The following STK38 variants were observed in gnomAD, a reference collection of about 807,000 sequenced individuals.
STK38 encodes the protein serine/threonine-protein kinase 38.
A neutral mutation model predicts 59.0 loss-of-function variants in STK38; 26 were observed. The observed-to-expected ratio is 0.44, with a 90% CI of 0.32 to 0.61. The LOEUF is 0.61. Among genes scored for constraint, STK38 ranks in the 20% least tolerant of loss-of-function variants. The probability of loss-of-function intolerance (pLI) is 0.04; values close to 1 mark genes in which losing one functional copy is unlikely to be tolerated. For missense variants in STK38, 433 were observed against 566.0 expected, an observed-to-expected ratio of 0.76 and a Z score of 2.38; for synonymous variants, 175 against 176.6, an observed-to-expected ratio of 0.99 and a Z score of 0.07.
At chr6:36,506,936 A>C (rs1302010138) in intron 8 of STK38, among the ~76,000 whole-genome samples, 5 of 152,214 alleles carry the variant, frequency 3.3e-5, no homozygotes, top group Non-Finnish European at 7.3e-5. Flanking sequence ...ATTCAGTCTC[A>C]ACTAGAATTG....
In STK38 at chr6:36,515,445, C is replaced by A; in HGVS notation, c.562G>T (p.Glu188Ter). The A allele has an allele frequency of 6.2e-7, 1 of 1,613,906 alleles. No homozygotes were observed. The highest frequency in any genetic ancestry group is 8.5e-7 in the Non-Finnish European group (1 of 1,179,990). Reference protein sequence around the residue: ...LMKKDTLTEEETQFYIAETVL... With the variant: ...LMKKDTLTEE ...GTTTCTGCTATATAAAACTGAGTCT[C>A]CTCTTCTGTCAGAGTGTCTTTTTTC... The change falls in exon 7 of 14, where the codon GAG becomes TAG. Residue 188 changes from glutamate (E) to a stop codon, truncating the protein, a stop_gained. Transcript: ENST00000229812. LOFTEE classifies it high-confidence loss of function.
chr6:36,500,059 C>T, intron 9 of STK38, 69 bp from the exon 10 acceptor site: 1 of 1,203,668 alleles, frequency 8.3e-7, no homozygotes, highest in East Asian at 2.3e-5. Context: ...GTTCTAGAAA[C>T]CAAAGGCTAT....
chr6:36,518,734 T>C (rs1176843029), intron 5 of STK38, among the ~76,000 whole-genome samples: 1 of 152,152 alleles, frequency 6.6e-6, no homozygotes, highest in Non-Finnish European at 1.5e-5. Context: ...CTCCCCTCTT[T>C]TTTAAGTGTC....
At chr6:36,539,988 C>A in intron 2 of STK38, 84 bp downstream of exon 2, 1 of 1,568,552 alleles carries the variant, frequency 6.4e-7, no homozygotes, top group Non-Finnish European at 8.6e-7. Context: ...CTATTCTTGT[C>A]TCCTTTCAGC....
intron 1 of STK38, among the ~76,000 whole-genome samples, chr6:36,542,682 C>T (rs556513234): frequency 1.6e-4 from 24 of 152,072 alleles, no homozygotes; most frequent in South Asian, 6.2e-4. Flanking sequence ...CGGTGGCTCA[C>T]GCCTGTAATC....
intron 10 of STK38, 133 bp downstream of exon 10, chr6:36,499,740 G>C: frequency 1.3e-6 from 1 of 776,398 alleles, no homozygotes; most frequent in Non-Finnish European, 2.3e-6. Flanking sequence ...GGTGTCATCT[G>C]TCTAAAACAA....
chr6:36,540,629 T>C (rs571200659), intron 1 of STK38, among the ~76,000 whole-genome samples: 1 of 151,910 alleles, frequency 6.6e-6, no homozygotes, highest in African/African-American at 2.4e-5. Flanking sequence ...CAAATATATC[T>C]TTTTTTTTCT....
rs762008347 is a variant in STK38, at chr6:36,495,806, G to A, written c.1376C>T (p.Ser459Phe). The A allele has an allele frequency of 2.5e-6, 4 of 1,613,946 alleles. No individual in the cohort carries two copies. The highest frequency in any genetic ancestry group is 2.2e-5 in the South Asian group (2 of 91,076). ...GTACTATTTTGCTGCTTTCATGTAG[G>A]AAGGTATTGCCCCCCTTGCAGTCAG... ...EGLTARGAIP[S>F]YMKAAK The change falls in exon 14 of 14, where the codon TCC becomes TTC. Residue 459 changes from serine (S) to phenylalanine (F), a missense_variant. Around this residue, in one of 3 missense-constraint regions of STK38, gnomAD observed 136 missense variants for 156.7 expected, o/e 0.87. Coordinates refer to ENST00000229812, the MANE Select transcript of STK38 (RefSeq NM_007271.4).
At chr6:36,519,410 C>G (rs1201580040) in intron 5 of STK38, among the ~76,000 whole-genome samples, 1 of 152,192 alleles carries the variant, frequency 6.6e-6, no homozygotes, top group Non-Finnish European at 1.5e-5. Context: ...AGGCAGCCTT[C>G]ATCTGCCTGT....
chr6:36,507,401 A>T, intron 8 of STK38, 99 bp downstream of exon 8: 2 of 984,882 alleles, frequency 2.0e-6, no homozygotes, highest in Non-Finnish European at 1.6e-6. Flanking sequence ...ACATACTCAA[A>T]GTGTGAGAAT....
chr6:36,510,979 G>A (rs908750843), intron 7 of STK38, among the ~76,000 whole-genome samples: 4 of 152,170 alleles, frequency 2.6e-5, no homozygotes, highest in Admixed American at 2.0e-4. Flanking sequence ...GGAAAAAGTA[G>A]GTGTCTTAGG....
At chr6:36,509,718 G>T (rs990123138) in intron 7 of STK38, among the ~76,000 whole-genome samples, 1 of 152,060 alleles carries the variant, frequency 6.6e-6, no homozygotes, top group African/African-American at 2.4e-5. Flanking sequence ...TGTCAGGGCC[G>T]AGGCTGCTAC....
intron 7 of STK38, among the ~76,000 whole-genome samples, chr6:36,511,342 A>C (rs534222989): frequency 6.6e-6 from 1 of 151,898 alleles, no homozygotes; most frequent in East Asian, 1.9e-4. Flanking sequence ...TATTAAACTC[A>C]GTATCTTTTT....
intron 1 of STK38, among the ~76,000 whole-genome samples, chr6:36,544,865 G>A (rs1007594230): frequency 5.3e-5 from 8 of 152,008 alleles, no homozygotes; most frequent in African/African-American, 1.7e-4. Context: ...GCAAGACTCT[G>A]TCTTAAAAAC....
At chr6:36,526,692 C>T (rs1024468338) in intron 2 of STK38, among the ~76,000 whole-genome samples, 3 of 151,644 alleles carry the variant, frequency 2.0e-5, no homozygotes, top group African/African-American at 7.3e-5. Context: ...GTCAGGAGTT[C>T]GAGACCAGAC....
At chr6:36,527,815 G>T (rs1170805685) in intron 2 of STK38, among the ~76,000 whole-genome samples, 2 of 151,786 alleles carry the variant, frequency 1.3e-5, no homozygotes, top group Non-Finnish European at 2.9e-5. Flanking sequence ...ACTACAGTAT[G>T]CTGGCCAGGT....
intron 7 of STK38, among the ~76,000 whole-genome samples, chr6:36,512,585 G>A (rs184642997): frequency 3.4e-4 from 52 of 152,276 alleles, no homozygotes; most frequent in African/African-American, 1.2e-3. Flanking sequence ...TTATATAAAT[G>A]ATTGACACAA....
chr6:36,535,430 C>T (rs959979821), intron 2 of STK38, among the ~76,000 whole-genome samples: 9 of 151,560 alleles, frequency 5.9e-5, no homozygotes, highest in Non-Finnish European at 1.3e-4. Flanking sequence ...GCCTGGGCAG[C>T]AATAGCAAAA....
chr6:36,508,492 T>TAATA (rs1403393233), intron 7 of STK38, among the ~76,000 whole-genome samples: 1 of 152,238 alleles, frequency 6.6e-6, no homozygotes, highest in African/African-American at 2.4e-5. Flanking sequence ...CCTCCTCTTA[T>TAATA]AACATTGGAA....
Sources: allele counts gnomAD v4.1 joint callset (sites outside exome capture counted in the v4.1 genomes callset), GRCh38; gene constraint gnomAD v4.1.1; regional missense constraint gnomAD v4.1.1; transcripts MANE v1.5; gene names NCBI Gene and HGNC (gene_info 2026-07-23, HGNC 2026-07-21).